GPR158: variants seen among roughly 807,000 people sequenced by gnomAD.
GPR158 encodes the protein G protein-coupled receptor 158, also known as metabotropic glycine receptor.
In GPR158, 30 loss-of-function variants were observed where a neutral mutation model predicts 78.2. That is an observed-to-expected ratio of 0.38 (90% CI 0.29 to 0.52). The LOEUF is 0.52. Among genes scored for constraint, GPR158 ranks in the 20% least tolerant of loss-of-function variants. GPR158 has a pLI of 0.83. For synonymous variants in GPR158, 581 were observed against 591.1 expected, an observed-to-expected ratio of 0.98 and a Z score of 0.25; for missense variants, 1,463 against 1,523.5, an observed-to-expected ratio of 0.96 and a Z score of 0.66.
At chr10:25,437,898 G>A (rs1281949464) in intron 4 of GPR158, among the ~76,000 whole-genome samples, 3 of 152,172 alleles carry the variant, frequency 2.0e-5, no homozygotes, top group Non-Finnish European at 4.4e-5. Context: ...CTTTAATGAT[G>A]GGAGCTTATT....
chr10:25,451,066 T>C (rs1215700197), intron 4 of GPR158, among the ~76,000 whole-genome samples: 1 of 152,248 alleles, frequency 6.6e-6, no homozygotes, highest in African/African-American at 2.4e-5. Context: ...ATATTCCAAC[T>C]GTTTCAACTT....
intron 2 of GPR158, among the ~76,000 whole-genome samples, chr10:25,340,973 CAAAG>C (rs954789019): frequency 1.2e-4 from 18 of 151,702 alleles, no homozygotes; most frequent in South Asian, 2.1e-4. Context: ...TTTAAATAGA[CAAAG>C]AAATGTTTTA....
chr10:25,495,999 C>A (rs765147976), intron 5 of GPR158, among the ~76,000 whole-genome samples: 7 of 152,168 alleles, frequency 4.6e-5, no homozygotes, highest in Non-Finnish European at 7.4e-5. Flanking sequence ...ATGCAGACAG[C>A]ACCCCAGCTC....
At chr10:25,394,660 A>T (rs1226410243) in intron 2 of GPR158, among the ~76,000 whole-genome samples, 1 of 152,210 alleles carries the variant, frequency 6.6e-6, no homozygotes, top group East Asian at 1.9e-4. Flanking sequence ...TGTGTGTTAG[A>T]TGGAAAAGAA....
At chr10:25,182,893 T>G (rs1852630380) in intron 1 of GPR158, among the ~76,000 whole-genome samples, 1 of 152,228 alleles carries the variant, frequency 6.6e-6, no homozygotes, top group African/African-American at 2.4e-5. Context: ...ATTACTAAGA[T>G]AGCACATTTG....
chr10:25,285,235 C>G (rs968367993), intron 2 of GPR158, among the ~76,000 whole-genome samples: 1 of 151,954 alleles, frequency 6.6e-6, no homozygotes, highest in African/African-American at 2.4e-5. Context: ...ATACATATCT[C>G]TTTCCCCCTC....
At chr10:25,495,058 G>A (rs542835937) in intron 5 of GPR158, among the ~76,000 whole-genome samples, 1 of 151,898 alleles carries the variant, frequency 6.6e-6, no homozygotes, top group Non-Finnish European at 1.5e-5. Context: ...GTCAATGGTG[G>A]GGATTGATTC....
intron 6 of GPR158, among the ~76,000 whole-genome samples, chr10:25,558,304 T>C (rs577468839): frequency 3.3e-4 from 50 of 152,374 alleles, no homozygotes; most frequent in Non-Finnish European, 6.3e-4. Flanking sequence ...TAGCAGACTA[T>C]AGCTGATAAA....
chr10:25,315,421 C>G (rs1033948554), intron 2 of GPR158, among the ~76,000 whole-genome samples: 5 of 151,934 alleles, frequency 3.3e-5, no homozygotes, highest in African/African-American at 4.8e-5. Flanking sequence ...GATCACAACC[C>G]CTGCTTTCTT....
chr10:25,311,295 A>G (rs949256059), intron 2 of GPR158, among the ~76,000 whole-genome samples: 1 of 151,930 alleles, frequency 6.6e-6, no homozygotes, highest in African/African-American at 2.4e-5. Flanking sequence ...GAGCTTTTCT[A>G]TAGAAGAACA....
At chr10:25,427,239 A>G (rs1834836732) in intron 4 of GPR158, among the ~76,000 whole-genome samples, 1 of 152,222 alleles carries the variant, frequency 6.6e-6, no homozygotes. Context: ...GAACCACTGT[A>G]TTAGTGACAT....
At chr10:25,196,177 G>A (rs907141093) in intron 1 of GPR158, among the ~76,000 whole-genome samples, 3 of 150,756 alleles carry the variant, frequency 2.0e-5, no homozygotes, top group Non-Finnish European at 4.4e-5. Context: ...TTGAATATTT[G>A]ACTTTCTGGA....
intron 1 of GPR158, among the ~76,000 whole-genome samples, chr10:25,179,004 A>G (rs1474386192): frequency 6.6e-6 from 1 of 152,190 alleles, no homozygotes; most frequent in Non-Finnish European, 1.5e-5. Flanking sequence ...TTTATTCTCT[A>G]TCATTACTTA....
At chr10:25,328,652 C>T (rs565499445) in intron 2 of GPR158, among the ~76,000 whole-genome samples, 1 of 151,848 alleles carries the variant, frequency 6.6e-6, no homozygotes, top group Non-Finnish European at 1.5e-5. Context: ...ATTGGCCGGG[C>T]GTGGTACCTC....
chr10:25,216,293 A>G (rs1032544881), intron 1 of GPR158, among the ~76,000 whole-genome samples: 2 of 152,202 alleles, frequency 1.3e-5, no homozygotes, highest in African/African-American at 4.8e-5. Context: ...ATCAATGTTG[A>G]CTACATATGC....
At position 25,176,205 on chromosome 10, in the gene GPR158, A is replaced by G. The variant is rs1852530105; in HGVS notation, c.785A>G (p.His262Arg). 1 of 1,588,208 alleles carries G rather than the reference A, an allele frequency of 6.3e-7. No individual in the cohort carries two copies. The highest frequency in any genetic ancestry group is 8.6e-7 in the Non-Finnish European group (1 of 1,168,426). Residue 262 changes from histidine (H) to arginine (R), a missense_variant, in exon 1 of 11, where the codon CAC becomes CGC. Coordinates refer to ENST00000376351, the MANE Select transcript of GPR158 (RefSeq NM_020752.3). This position sits in a 1 kb window ranked among gnomAD's most constrained non-coding sequence, Gnocchi z 6.3. The stretch of plus-strand genomic sequence containing the variant: ...GACGGGCTCGGCGGGGACAAGAGCC[A>G]CTTCAAGTGGTCTCCGCCTTATCTG... ...RKDGLGGDKS[H>R]FKWSPPYLEC...
chr10:25,478,707 C>T (rs919490680), intron 5 of GPR158, among the ~76,000 whole-genome samples: 24 of 151,758 alleles, frequency 1.6e-4, no homozygotes, highest in African/African-American at 5.1e-4. Context: ...AGGTTTGTTA[C>T]GTATATATAC....
At chr10:25,438,500 C>T (rs540994020) in intron 4 of GPR158, among the ~76,000 whole-genome samples, 15 of 152,262 alleles carry the variant, frequency 9.9e-5, no homozygotes, top group East Asian at 5.8e-4. Flanking sequence ...CATTCTTCAG[C>T]GCATTTACAG....
intron 5 of GPR158, among the ~76,000 whole-genome samples, chr10:25,541,917 AATTAT>A (rs1322541667): frequency 1.5e-4 from 22 of 147,718 alleles, no homozygotes; most frequent in Middle Eastern, 3.6e-3. Flanking sequence ...GGAAATTATA[AATTAT>A]ATTATATATT....
Sources: allele counts gnomAD v4.1 joint callset (sites outside exome capture counted in the v4.1 genomes callset), GRCh38; gene constraint gnomAD v4.1.1; non-coding constraint Gnocchi (gnomAD v3.1); transcripts MANE v1.5; gene names NCBI Gene and HGNC (gene_info 2026-07-23, HGNC 2026-07-21).